AKAP13: variants seen among roughly 807,000 people sequenced by gnomAD.
The protein encoded by AKAP13 is A-kinase anchor protein 13.
AKAP13 carries 80 observed loss-of-function variants against 264.5 expected under a neutral mutation model. That is an observed-to-expected ratio of 0.30 (90% CI 0.25 to 0.36). The LOEUF (loss-of-function observed/expected upper bound fraction) is 0.36. Ranked by LOEUF, AKAP13 falls within the 10% of genes least tolerant of loss-of-function variation. AKAP13 has a pLI of 1.00. For missense variants in AKAP13, 3,712 were observed against 3,435.2 expected, an observed-to-expected ratio of 1.08 and a Z score of -2.01; for synonymous variants, 1,380 against 1,250.2, an observed-to-expected ratio of 1.10 and a Z score of -2.19.
At chr15:85,519,009 A>G (rs1273958823) in intron 2 of AKAP13, among the ~76,000 whole-genome samples, 4 of 152,158 alleles carry the variant, frequency 2.6e-5, no homozygotes, top group Non-Finnish European at 4.4e-5. Flanking sequence ...TCTCCCAGCA[A>G]GATGTTGGGT....
intron 8 of AKAP13, among the ~76,000 whole-genome samples, chr15:85,608,236 T>C (rs891187577): frequency 3.9e-5 from 6 of 152,252 alleles, no homozygotes; most frequent in African/African-American, 1.4e-4. Flanking sequence ...GTGGTTATTT[T>C]GAGCAGGAGT....
At chr15:85,680,673 T>TG (rs973712141) in intron 14 of AKAP13, among the ~76,000 whole-genome samples, 5 of 152,148 alleles carry the variant, frequency 3.3e-5, no homozygotes, top group African/African-American at 1.2e-4. Context: ...AAGACCAGCC[T>TG]GGGCAACATG....
At chr15:85,441,640 G>T (rs1336421104) in intron 1 of AKAP13, among the ~76,000 whole-genome samples, 3 of 151,972 alleles carry the variant, frequency 2.0e-5, no homozygotes, top group Non-Finnish European at 4.4e-5. Flanking sequence ...AGTTTATTTT[G>T]TAAGTTTGTA....
At position 85,741,137 on chromosome 15, in the gene AKAP13, C is replaced by T. The variant is rs773240426; in HGVS notation, c.7700C>T (p.Ser2567Phe). ...ACTCGCAGCTTGTCCCGCCCGAGCT[C>T]CCTCATTGAGCAGGAGAAGCAGCGC... Reference protein sequence around the residue: ...ALTRSLSRPSSLIEQEKQRSL... With the variant: ...ALTRSLSRPSFLIEQEKQRSL... Residue 2567 changes from serine (S) to phenylalanine (F), a missense_variant, in exon 35 of 37, where the codon TCC (serine) becomes TTC (phenylalanine). Physicochemically the swap from Ser to Phe is radical, Grantham distance 155. Coordinates refer to ENST00000394518, the MANE Select transcript of AKAP13 (RefSeq NM_007200.5). 4 of 1,613,486 alleles carry T rather than the reference C, an allele frequency of 2.5e-6. No homozygotes were observed. The highest frequency in any genetic ancestry group is 3.3e-5 in the Admixed American group (2 of 59,992).
intron 8 of AKAP13, among the ~76,000 whole-genome samples, chr15:85,626,322 T>C (rs2081409410): frequency 1.3e-5 from 2 of 152,248 alleles, no homozygotes; most frequent in African/African-American, 4.8e-5. Flanking sequence ...TTCACATTGT[T>C]ATATAACCAT....
intron 31 of AKAP13, 84 bp downstream of exon 31, chr15:85,735,234 C>A: frequency 6.6e-7 from 1 of 1,517,974 alleles, no homozygotes; most frequent in Admixed American, 2.1e-5. Flanking sequence ...TTAGTAGCTA[C>A]ATCACCGCTC....
chr15:85,684,457 T>C (rs1367381777), intron 15 of AKAP13: 1 of 238,110 alleles, frequency 4.2e-6, no homozygotes, highest in Non-Finnish European at 8.1e-6. Context: ...CAGCTTACTC[T>C]AGAGGCTGAG....
intron 2 of AKAP13, among the ~76,000 whole-genome samples, chr15:85,489,856 G>A (rs957789732): frequency 5.9e-5 from 9 of 152,198 alleles, no homozygotes; most frequent in African/African-American, 1.7e-4. Context: ...CTCTTTTAAT[G>A]AATTATTTTC....
intron 8 of AKAP13, among the ~76,000 whole-genome samples, chr15:85,619,178 G>A (rs2081066030): frequency 6.6e-6 from 1 of 152,026 alleles, no homozygotes; most frequent in South Asian, 2.1e-4. Flanking sequence ...GGAAGAAGAA[G>A]CGGGTTGGAA....
intron 14 of AKAP13, among the ~76,000 whole-genome samples, chr15:85,674,147 T>C (rs2084087279): frequency 6.6e-6 from 1 of 152,158 alleles, no homozygotes; most frequent in Non-Finnish European, 1.5e-5. Context: ...CGTTTTAACT[T>C]CATATGCTTC....
chr15:85,522,351 A>C (rs1334833782), intron 3 of AKAP13, among the ~76,000 whole-genome samples: 1 of 152,202 alleles, frequency 6.6e-6, no homozygotes, highest in Non-Finnish European at 1.5e-5. Flanking sequence ...ATAAGTAGAT[A>C]CAAGGAGACT....
chr15:85,641,082 T>G (rs1294972889), intron 9 of AKAP13, among the ~76,000 whole-genome samples: 1 of 152,202 alleles, frequency 6.6e-6, no homozygotes, highest in East Asian at 1.9e-4. Context: ...CCAGGTACTT[T>G]GTTTTGCAGG....
chr15:85,504,171 A>C (rs980921239), intron 2 of AKAP13, among the ~76,000 whole-genome samples: 11 of 152,188 alleles, frequency 7.2e-5, no homozygotes, highest in African/African-American at 2.7e-4. Flanking sequence ...TAACTGTAAG[A>C]TATAGGTGAG....
At chr15:85,661,274 C>G (rs2083331195) in intron 12 of AKAP13, among the ~76,000 whole-genome samples, 1 of 152,084 alleles carries the variant, frequency 6.6e-6, no homozygotes, top group Non-Finnish European at 1.5e-5. Flanking sequence ...GATTTTCTGT[C>G]CTTGCTACTT....
intron 2 of AKAP13, among the ~76,000 whole-genome samples, chr15:85,498,212 A>G (rs954192971): frequency 7.1e-6 from 1 of 141,318 alleles, no homozygotes; most frequent in Non-Finnish European, 1.5e-5. Context: ...ATATATATAT[A>G]TATATATATA....
chr15:85,459,563 A>T (rs1012753653), intron 1 of AKAP13, among the ~76,000 whole-genome samples: 7 of 149,586 alleles, frequency 4.7e-5, no homozygotes, highest in African/African-American at 1.2e-4. Flanking sequence ...GCAGTGGTGC[A>T]ATCTCAGCTC....
chr15:85,587,287 T>A (rs907359340), intron 8 of AKAP13, among the ~76,000 whole-genome samples: 1 of 152,244 alleles, frequency 6.6e-6, no homozygotes, highest in Non-Finnish European at 1.5e-5. Flanking sequence ...CAGAACTTCA[T>A]GTAAATGGTA....
chr15:85,697,735 G>T (rs941095339), intron 17 of AKAP13, among the ~76,000 whole-genome samples: 17 of 152,164 alleles, frequency 1.1e-4, no homozygotes, highest in Admixed American at 5.9e-4. Flanking sequence ...TCAGCATATT[G>T]TCCTGATTTA....
At chr15:85,699,444 C>CA (rs34147153) in intron 17 of AKAP13, among the ~76,000 whole-genome samples, 13,792 of 141,556 alleles carry the variant, frequency 0.097, 775 homozygotes, top group African/African-American at 0.17. Flanking sequence ...AACTCTATCT[C>CA]AAAAAAAAAA....
Sources: allele counts gnomAD v4.1 joint callset (sites outside exome capture counted in the v4.1 genomes callset), GRCh38; gene constraint gnomAD v4.1.1; transcripts MANE v1.5; gene names NCBI Gene and HGNC (gene_info 2026-07-23, HGNC 2026-07-21).